The following DNAH14 variants were observed in gnomAD, a reference collection of about 807,000 sequenced individuals.
DNAH14 encodes dynein axonemal heavy chain 14, also known as axonemal beta dynein heavy chain 14.
A neutral mutation model predicts 520.9 loss-of-function variants in DNAH14; 478 were observed. That is an observed-to-expected ratio of 0.92 (90% CI 0.85 to 0.99). The LOEUF is 0.99. Among genes scored for constraint, DNAH14 ranks in the 50% least tolerant of loss-of-function variants. The pLI is 0.00. For synonymous variants in DNAH14, 1,581 were observed against 1,757.2 expected (o/e 0.90, Z 2.51); for missense variants, 4,831 against 5,234.5 (o/e 0.92, Z 2.38).
intron 41 of DNAH14, among the ~76,000 whole-genome samples, chr1:225,230,117 TA>T (rs1341670170): frequency 6.6e-6 from 1 of 152,058 alleles, no homozygotes; most frequent in East Asian, 1.9e-4. Context: ...TTATTATAAA[TA>T]AATAATCAGA....
At position 225,002,891 on chromosome 1, in the gene DNAH14, C is replaced by A; in HGVS notation, c.939C>A (p.Asp313Glu). 6.5e-7 allele frequency: 1 copy of A among 1,548,864 alleles called. No homozygotes were observed. Residue 313 changes from aspartate to glutamate, a missense_variant, in exon 9 of 86, where the codon GAC becomes GAA. Asp to Glu is a conservative substitution (Grantham distance 45, BLOSUM62 2). Coordinates refer to ENST00000682510, the MANE Select transcript of DNAH14 (RefSeq NM_001367479.1). ...EDAINLKNYN[D>E]HENNLSAICL... ...CAATTAATCTCAAAAATTATAATGA[C>A]CATGAAAATAATCTATCTGCCATAT...
chr1:225,366,628 C>A (rs1163835448), intron 76 of DNAH14, among the ~76,000 whole-genome samples: 2 of 152,150 alleles, frequency 1.3e-5, no homozygotes, highest in African/African-American at 4.8e-5. Context: ...GGCAGACATG[C>A]CTTGGAAAAT....
At chr1:225,363,407 T>A (rs1257668634) in intron 75 of DNAH14, among the ~76,000 whole-genome samples, 1 of 152,242 alleles carries the variant, frequency 6.6e-6, no homozygotes, top group Non-Finnish European at 1.5e-5. Context: ...TTGTTTGTTG[T>A]CTGTTTATTT....
At chr1:224,932,492 T>A (rs1464616739) in intron 1 of DNAH14, among the ~76,000 whole-genome samples, 1 of 152,188 alleles carries the variant, frequency 6.6e-6, no homozygotes, top group East Asian at 1.9e-4. Context: ...TTTTATTGCC[T>A]GTGCTTTTGA....
intron 83 of DNAH14, among the ~76,000 whole-genome samples, chr1:225,391,016 T>G (rs759983698): frequency 6.6e-6 from 1 of 152,170 alleles, no homozygotes; most frequent in Non-Finnish European, 1.5e-5. Context: ...TTTCAATGAC[T>G]GGACTAAGCG....
At chr1:224,994,926 TACA>T (rs796410921) in intron 8 of DNAH14, among the ~76,000 whole-genome samples, 18 of 152,236 alleles carry the variant, frequency 1.2e-4, no homozygotes, top group African/African-American at 4.3e-4. Flanking sequence ...TTTGATTGCA[TACA>T]ACAATTCTAC....
At chr1:224,987,687 T>G (rs1401223227) in intron 8 of DNAH14, among the ~76,000 whole-genome samples, 1 of 152,142 alleles carries the variant, frequency 6.6e-6, no homozygotes, top group Non-Finnish European at 1.5e-5. Context: ...TGTGCAGTGG[T>G]GCAATCTCAG....
intron 18 of DNAH14, 37 bp from the exon 19 acceptor site, chr1:225,080,342 C>T: frequency 1.3e-6 from 2 of 1,484,684 alleles, no homozygotes; most frequent in Non-Finnish European, 1.8e-6. Context: ...TCTAGACATA[C>T]TGATTTCTCT....
intron 75 of DNAH14, among the ~76,000 whole-genome samples, 188 bp downstream of exon 75, chr1:225,361,079 C>T (rs939436428): frequency 2.0e-5 from 3 of 152,160 alleles, no homozygotes; most frequent in Admixed American, 6.5e-5. Flanking sequence ...ACTAAGAATA[C>T]ATCAGTTTTT....
chr1:224,956,513 A>G (rs2060523243), intron 3 of DNAH14, among the ~76,000 whole-genome samples: 1 of 152,080 alleles, frequency 6.6e-6, no homozygotes, highest in African/African-American at 2.4e-5. Flanking sequence ...AGTCTATTCC[A>G]TATAGCCTTG....
intron 21 of DNAH14, among the ~76,000 whole-genome samples, chr1:225,086,355 C>T (rs946127242): frequency 2.4e-4 from 36 of 151,730 alleles, no homozygotes; most frequent in Non-Finnish European, 3.8e-4. Context: ...AGGATGGTCT[C>T]GATCTCCTGA....
chr1:225,265,481 C>G lies in DNAH14; in HGVS notation c.7410+112C>G, dbSNP rs949094967. 13 of 923,124 alleles carry G rather than the reference C, an allele frequency of 1.4e-5. No individual in the cohort carries two copies. The Admixed American group carries it at 4.7e-4, about 33-fold the overall frequency. 57.2% of individuals were successfully genotyped at this position (923,124 alleles called of 1,614,324 possible). A position where few individuals can be genotyped will look rare whatever the true frequency, so the allele number is the denominator to read the frequency against. On this transcript the variant is annotated intron_variant, in intron 48 of 85. Transcript: ENST00000682510. ...TATTTGTGTAACACACATTTTTGAA[C>G]ATCATAGAAGATGCAATGTATAACA... is the stretch of plus-strand genomic sequence containing the variant.
At chr1:225,035,989 T>G (rs138279358) in intron 11 of DNAH14, among the ~76,000 whole-genome samples, 1 of 152,018 alleles carries the variant, frequency 6.6e-6, no homozygotes. Flanking sequence ...CTAATAATTG[T>G]AAGAATTAAA....
chr1:225,369,479 CATAT>C (rs59948265), intron 77 of DNAH14, among the ~76,000 whole-genome samples: 83,709 of 150,104 alleles, frequency 0.56, 23,679 homozygotes, highest in African/African-American at 0.68. Flanking sequence ...CATATTGTAG[CATAT>C]ATATATATAT....
chr1:224,968,862 T>C lies in DNAH14; in HGVS notation c.755T>C (p.Phe252Ser), dbSNP rs1321448401. The change falls in exon 7 of 86, where the codon TTT (phenylalanine) becomes TCT (serine). Residue 252 changes from phenylalanine (F) to serine (S), a missense_variant. Phe to Ser is a radical substitution (Grantham distance 155, BLOSUM62 -2). Coordinates refer to ENST00000682510, the MANE Select transcript of DNAH14 (RefSeq NM_001367479.1). ...TATTTATTACGGCAATTCAAGATATTTTCTGATTTCCGGTGAGGTGAAAAA... is the reference window on the plus strand; with the variant it reads ...TATTTATTACGGCAATTCAAGATATCTTCTGATTTCCGGTGAGGTGAAAAA... ...HYYLLRQFKI[F>S]SDFRMNKAFV... 2 of 1,539,774 alleles carry C rather than the reference T, an allele frequency of 1.3e-6. No homozygotes were observed. Among genetic ancestry groups the C allele is most frequent in the Non-Finnish European group, 1.8e-6 (2 of 1,142,784 alleles).
At chr1:225,169,724 C>A (rs945806126) in intron 36 of DNAH14, among the ~76,000 whole-genome samples, 9 of 151,984 alleles carry the variant, frequency 5.9e-5, no homozygotes, top group Admixed American at 5.2e-4. Context: ...GAGAACTTCC[C>A]CAACCAAGGC....
chr1:225,111,847 A>G (rs759412210), intron 23 of DNAH14, among the ~76,000 whole-genome samples: 51 of 152,044 alleles, frequency 3.4e-4, no homozygotes, highest in Non-Finnish European at 6.0e-4. Context: ...AAATAATATC[A>G]TGTAACTGTT....
chr1:225,208,516 T>G (rs2087904109), intron 41 of DNAH14, among the ~76,000 whole-genome samples: 1 of 152,116 alleles, frequency 6.6e-6, no homozygotes, highest in South Asian at 2.1e-4. Context: ...CAGAAATATG[T>G]GTATATAGTT....
intron 56 of DNAH14, among the ~76,000 whole-genome samples, chr1:225,301,532 A>T (rs2094139225): frequency 6.6e-6 from 1 of 152,144 alleles, no homozygotes; most frequent in Admixed American, 6.6e-5. Flanking sequence ...GCTGTGAACA[A>T]ACTGGTTTGA....
Sources: gnomAD v4.1 joint callset for allele counts (sites outside exome capture counted in the v4.1 genomes callset) on GRCh38, gnomAD v4.1.1 for gene constraint, MANE v1.5 for transcripts, NCBI Gene and HGNC (gene_info 2026-07-23, HGNC 2026-07-21) for gene names.